KIF5C: variants seen among roughly 807,000 people sequenced by gnomAD.
KIF5C encodes the protein kinesin family member 5C.
Under a neutral mutation model 125.2 loss-of-function variants are expected in KIF5C, and 18 were observed. The ratio of observed to expected loss-of-function variants is 0.14; its 90% CI spans 0.10 to 0.21. The LOEUF (loss-of-function observed/expected upper bound fraction) is 0.21. KIF5C is among the 10% of genes least tolerant of loss of function. The pLI is 1.00. For missense variants in KIF5C, 780 were observed against 1,183.8 expected, an observed-to-expected ratio of 0.66 and a Z score of 5.01; for synonymous variants, 405 against 434.0, an observed-to-expected ratio of 0.93 and a Z score of 0.83.
rs772113915 is a variant in KIF5C, at chr2:149,008,037, C to T, written c.2520C>T (p.Asn840=). Residue 840 remains asparagine (N), a synonymous_variant, in exon 23 of 26, where the codon AAC becomes AAT. Transcript: ENST00000435030. ...AGAAAATTTCCTTCTTGGAGAATAA[C>T]CTGGAGCAGCTCACCAAAGTTCACA... ...QKQKISFLEN[N]LEQLTKVHKQ... 1.7e-5 allele frequency: 27 copies of T among 1,612,382 alleles called. No individual in the cohort carries two copies. The highest frequency in any genetic ancestry group is 1.4e-5 in the Non-Finnish European group (17 of 1,178,864).
intron 1 of KIF5C, among the ~76,000 whole-genome samples, chr2:148,881,709 G>C (rs1681360098): frequency 6.6e-6 from 1 of 151,580 alleles, no homozygotes; most frequent in South Asian, 2.1e-4. Flanking sequence ...TTTCCCTTTA[G>C]TCCTTACCTC....
intron 1 of KIF5C, among the ~76,000 whole-genome samples, chr2:148,887,875 T>C (rs1209809884): frequency 1.3e-5 from 2 of 149,156 alleles, no homozygotes; most frequent in South Asian, 4.5e-4. Flanking sequence ...CTGCTTTACA[T>C]GTTTGCGTTT....
chr2:148,980,022 G>A (rs1446417584), intron 13 of KIF5C, among the ~76,000 whole-genome samples: 5 of 152,168 alleles, frequency 3.3e-5, no homozygotes, highest in Non-Finnish European at 7.3e-5. Flanking sequence ...AAATGCTATG[G>A]ATTGGATCCC....
chr2:149,006,416 G>A (rs543050081), intron 22 of KIF5C, among the ~76,000 whole-genome samples: 4 of 152,174 alleles, frequency 2.6e-5, no homozygotes, highest in South Asian at 2.1e-4. Flanking sequence ...AAATACATGC[G>A]GGTGGAAAGA....
chr2:148,928,163 CA>C (rs1439536322), intron 2 of KIF5C, among the ~76,000 whole-genome samples: 1 of 152,000 alleles, frequency 6.6e-6, no homozygotes, highest in African/African-American at 2.4e-5. Context: ...CAAAGCAAAA[CA>C]AAAACAAACC....
chr2:149,017,954 C>T (rs959946158), intron 25 of KIF5C, among the ~76,000 whole-genome samples: 1 of 152,128 alleles, frequency 6.6e-6, no homozygotes, highest in African/African-American at 2.4e-5. Context: ...AATGCGACCC[C>T]GGAGTGCGTT....
At chr2:148,915,561 A>G (rs79403313) in intron 1 of KIF5C, among the ~76,000 whole-genome samples, 1 of 152,194 alleles carries the variant, frequency 6.6e-6, no homozygotes, top group Admixed American at 6.5e-5. Context: ...TTTCCACTCA[A>G]TTTGTTGGCT....
At chr2:148,888,883 A>C (rs1558873304) in intron 1 of KIF5C, 1 of 151,554 alleles carries the variant, frequency 6.6e-6, no homozygotes, top group Non-Finnish European at 1.5e-5. Context: ...CATGTTGTGT[A>C]ATATCTTCAT....
chr2:148,916,358 TGCAGAGGATG>T, intron 1 of KIF5C, among the ~76,000 whole-genome samples: 1 of 152,294 alleles, frequency 6.6e-6, no homozygotes, highest in South Asian at 2.1e-4. Context: ...TTTTAAAGAG[TGCAGAGGATG>T]GCCTTGAAAC....
chr2:148,975,349 C>T (rs188081680), intron 12 of KIF5C, among the ~76,000 whole-genome samples: 44 of 152,234 alleles, frequency 2.9e-4, no homozygotes, highest in African/African-American at 9.4e-4. Context: ...GGTGGTTTGA[C>T]GCTTGAAGAA....
chr2:149,025,937 G>A lies in KIF5C; in HGVS notation c.*2867G>A, dbSNP rs898093570. The A allele has an allele frequency of 5.9e-5, 9 of 152,574 alleles. No individual in the cohort carries two copies. Among genetic ancestry groups the A allele is most frequent in the Non-Finnish European group, 8.8e-5 (6 of 68,040 alleles). 9.5% of individuals were successfully genotyped at this position (152,574 alleles called of 1,614,324 possible). A position where few individuals can be genotyped will look rare whatever the true frequency, so the allele number is the denominator to read the frequency against. The stretch of plus-strand genomic sequence containing the variant: ...TAAGACTTTTAAAGGAAATAGAATC[G>A]TGATTAAGAAATCAGAATTTATAGA... On this transcript the variant is annotated 3_prime_UTR_variant, in exon 26 of 26. Coordinates refer to ENST00000435030, the MANE Select transcript of KIF5C (RefSeq NM_004522.3).
rs1283258853 is a variant in KIF5C at position 148,979,010 on chromosome 2, T to A, written c.1362+20T>A. 10 of 1,542,108 alleles carry A rather than the reference T, an allele frequency of 6.5e-6. No individual in the cohort carries two copies. Among genetic ancestry groups the A allele is most frequent in the South Asian group, 2.5e-5 (2 of 79,076 alleles). On this transcript the variant is annotated intron_variant, in intron 13 of 25. Transcript: ENST00000435030. ...GATGAGGTAAAGAATGCAATATATT[T>A]TTTTTTCCACAAAGTTCTTCTATTA...
At chr2:148,944,641 T>C (rs1682483250) in intron 7 of KIF5C, among the ~76,000 whole-genome samples, 1 of 152,204 alleles carries the variant, frequency 6.6e-6, no homozygotes, top group Non-Finnish European at 1.5e-5. Context: ...ATTTCAATTC[T>C]TTTGAGTATA....
intron 1 of KIF5C, among the ~76,000 whole-genome samples, chr2:148,889,869 C>A (rs1681655302): frequency 6.6e-6 from 1 of 152,038 alleles, no homozygotes; most frequent in South Asian, 2.1e-4. Flanking sequence ...GTAAGGTAAA[C>A]AAAAGGAAAA....
intron 10 of KIF5C, among the ~76,000 whole-genome samples, chr2:148,959,246 T>G (rs1682869732): frequency 6.6e-6 from 1 of 152,174 alleles, no homozygotes; most frequent in Admixed American, 6.5e-5. Flanking sequence ...CTGGACAATT[T>G]ATTCTGTTTT....
intron 4 of KIF5C, among the ~76,000 whole-genome samples, chr2:148,938,974 A>T (rs1682348249): frequency 2.0e-5 from 3 of 151,998 alleles, no homozygotes; most frequent in African/African-American, 7.3e-5. Context: ...GTGTGCCTAT[A>T]ATCCCAGCTA....
At chr2:148,946,747 G>A (rs1164589800) in intron 7 of KIF5C, among the ~76,000 whole-genome samples, 152 bp from the exon 8 acceptor site, 1 of 152,172 alleles carries the variant, frequency 6.6e-6, no homozygotes, top group Non-Finnish European at 1.5e-5. Flanking sequence ...TTTTTCAGAA[G>A]AAACAGGGGT....
At chr2:149,004,509 CT>C (rs1180233930) in intron 21 of KIF5C, among the ~76,000 whole-genome samples, 2 of 152,084 alleles carry the variant, frequency 1.3e-5, no homozygotes, top group African/African-American at 4.8e-5. Flanking sequence ...GGCTCAGGCT[CT>C]TGTCTCAGTA....
intron 23 of KIF5C, among the ~76,000 whole-genome samples, chr2:149,008,655 T>G (rs766579003): frequency 6.6e-6 from 1 of 152,240 alleles, no homozygotes; most frequent in Non-Finnish European, 1.5e-5. Context: ...ACCAGTGATT[T>G]CAGCAGGTCA....
Sources: allele counts gnomAD v4.1 joint callset (sites outside exome capture counted in the v4.1 genomes callset), GRCh38; gene constraint gnomAD v4.1.1; transcripts MANE v1.5; gene names NCBI Gene and HGNC (gene_info 2026-07-23, HGNC 2026-07-21).